Variants in NCAPD3 observed in about 807,000 individuals in gnomAD.
NCAPD3 encodes non-SMC condensin II complex subunit D3.
NCAPD3 carries 105 observed loss-of-function variants against 182.9 expected under a neutral mutation model. That is an observed-to-expected ratio of 0.57 (90% CI 0.49 to 0.68). The LOEUF (loss-of-function observed/expected upper bound fraction) is 0.68. Ranked by LOEUF, NCAPD3 falls within the 30% of genes least tolerant of loss-of-function variation. NCAPD3 has a pLI of 0.00. For missense variants in NCAPD3, 1,944 were observed against 1,837.0 expected, an observed-to-expected ratio of 1.06 and a Z score of -1.07; for synonymous variants, 815 against 679.9, an observed-to-expected ratio of 1.20 and a Z score of -3.09.
chr11:134,154,738 A>T (rs965417774), intron 32 of NCAPD3, among the ~76,000 whole-genome samples: 1 of 152,206 alleles, frequency 6.6e-6, no homozygotes, highest in African/African-American at 2.4e-5. Context: ...CTGCAAGCAC[A>T]TGCGAGGAGG....
upstream of NCAPD3, chr11:134,224,965 T>G (rs1051306482): frequency 2.2e-6 from 1 of 456,104 alleles, no homozygotes; most frequent in Non-Finnish European, 3.3e-6. Context: ...CGGCTGTCCG[T>G]CGGCGCCCAC....
chr11:134,169,269 G>T (rs975450164), intron 24 of NCAPD3, among the ~76,000 whole-genome samples: 12 of 152,196 alleles, frequency 7.9e-5, no homozygotes, highest in African/African-American at 2.9e-4. Flanking sequence ...TCCAAGGTAA[G>T]TATATTTTTT....
At chr11:134,184,598 AAAG>A in intron 19 of NCAPD3, 36 bp downstream of exon 19, 2 of 1,428,488 alleles carry the variant, frequency 1.4e-6, no homozygotes, top group African/African-American at 1.4e-5. Flanking sequence ...TCCTAAGCTC[AAAG>A]AAGTCAGAAA....
At chr11:134,199,816 T>C (rs1476430363) in intron 13 of NCAPD3, among the ~76,000 whole-genome samples, 2 of 152,198 alleles carry the variant, frequency 1.3e-5, no homozygotes, top group African/African-American at 2.4e-5. Context: ...GAAAAAATTA[T>C]TTCCCCTCTC....
At chr11:134,165,136 G>A (rs1429968181) in intron 27 of NCAPD3, among the ~76,000 whole-genome samples, 1 of 151,678 alleles carries the variant, frequency 6.6e-6, no homozygotes, top group Non-Finnish European at 1.5e-5. Context: ...GAGCTTAGGG[G>A]AGCAGCACAC....
intron 4 of NCAPD3, chr11:134,209,704 A>C (rs1001140555): frequency 2.2e-6 from 1 of 448,188 alleles, no homozygotes; most frequent in African/African-American, 2.0e-5. Context: ...GTCAATGAGG[A>C]ATCCTTTTTT....
At chr11:134,178,398 A>G (rs1185705849) in intron 22 of NCAPD3, 1 of 358,270 alleles carries the variant, frequency 2.8e-6, no homozygotes, top group Non-Finnish European at 5.0e-6. Flanking sequence ...AGCTCCCTCT[A>G]GACCCTCTAG....
intron 1 of NCAPD3, among the ~76,000 whole-genome samples, 164 bp downstream of exon 1, chr11:134,223,699 T>A (rs1265269798): frequency 6.6e-6 from 1 of 152,158 alleles, no homozygotes; most frequent in Non-Finnish European, 1.5e-5. Context: ...GAAACCTGGC[T>A]AGCCGCAATC....
At position 134,151,019 on chromosome 11, in the gene NCAPD3, A is replaced by C. The variant is rs1003550216; in HGVS notation, c.*1925T>G. ...ATCACTCAGAAGCCTGTGTTCTTCA[A>C]GAGCAGGTGTTCTCAGCCTCACATG... On this transcript the variant is annotated 3_prime_UTR_variant, in exon 35 of 35. Transcript: ENST00000534548. 3.9e-5 allele frequency: 6 copies of C among 152,264 alleles called. No homozygotes were observed. Among genetic ancestry groups the C allele is most frequent in the Non-Finnish European group, 8.8e-5 (6 of 68,052 alleles). The allele number at this position is 152,264 out of a possible 1,614,324, so 9.4% of individuals were successfully genotyped here.
Position 134,210,302 on chromosome 11 carries a change from T to A in NCAPD3, c.535A>T (p.Arg179Trp), listed in dbSNP as rs768663760. 6.2e-7 allele frequency: 1 copy of A among 1,613,390 alleles called. No homozygotes were observed. Among genetic ancestry groups the A allele is most frequent in the Non-Finnish European group, 8.5e-7 (1 of 1,179,788 alleles). The change falls in exon 4 of 35, where the codon AGG (arginine) becomes TGG (tryptophan). Residue 179 changes from arginine (R) to tryptophan (W), a missense_variant. Transcript: ENST00000534548. ...TCTTCTCTCCTGGGTGGCTTTCCCCTTTTTCTATGCCTCCCGGGGTTAGCC... is the reference window on the plus strand; with the variant it reads ...TCTTCTCTCCTGGGTGGCTTTCCCCATTTTCTATGCCTCCCGGGGTTAGCC... ...SQANPGRHRK[R>W]GKPPRREDIE... is the part of the protein sequence containing the mutation.
At chr11:134,200,858 A>C (rs1022629471) in intron 13 of NCAPD3, among the ~76,000 whole-genome samples, 17 of 152,148 alleles carry the variant, frequency 1.1e-4, no homozygotes, top group African/African-American at 3.9e-4. Context: ...CATAAACAAA[A>C]TGTGGTGTAT....
chr11:134,217,240 T>G, intron 2 of NCAPD3, 142 bp from the exon 3 acceptor site: 1 of 617,918 alleles, frequency 1.6e-6, no homozygotes, highest in Non-Finnish European at 2.5e-6. Flanking sequence ...TTTACCATCT[T>G]CAAAGGGACT....
rs781026682 is a variant in NCAPD3, at chr11:134,192,691, C to T, written c.2043G>A (p.Leu681=). ...LTLLTTESQE[L]SRYLNKAFHI... The stretch of plus-strand genomic sequence containing the variant: ...CACAGGTCATACAGTTAACCTACCT[C>T]AGTTCCTGGCTTTCGGTGGTGAGGA... Residue 681 remains leucine (L), a splice_region_variant and synonymous_variant, in exon 16 of 35, where the codon CTG becomes CTA. Coordinates refer to ENST00000534548, the MANE Select transcript of NCAPD3 (RefSeq NM_015261.3). The T allele has an allele frequency of 2.4e-5, 39 of 1,612,794 alleles. No homozygotes were observed. In the Middle Eastern group the frequency reaches 4.9e-4, roughly 20 times the overall value.
intron 19 of NCAPD3, chr11:134,183,131 CAT>C (rs754669198): frequency 1.3e-4 from 58 of 456,324 alleles, no homozygotes; most frequent in Admixed American, 2.3e-4. Context: ...GCGCTGTACA[CAT>C]GATTCTTTTT....
intron 16 of NCAPD3, among the ~76,000 whole-genome samples, chr11:134,188,115 C>G (rs992492217): frequency 3.9e-5 from 6 of 152,182 alleles, no homozygotes; most frequent in African/African-American, 1.4e-4. Context: ...TGTAAGCACA[C>G]CAATCAGCAC....
At chr11:134,165,553 A>G (rs1342227892) in intron 27 of NCAPD3, among the ~76,000 whole-genome samples, 4 of 135,108 alleles carry the variant, frequency 3.0e-5, no homozygotes, top group Non-Finnish European at 4.7e-5. Flanking sequence ...GGAGCAGCAC[A>G]CTCACTTGTG....
At chr11:134,196,564 T>G (rs1291181285) in intron 13 of NCAPD3, among the ~76,000 whole-genome samples, 1 of 149,200 alleles carries the variant, frequency 6.7e-6, no homozygotes, top group Non-Finnish European at 1.5e-5. Context: ...GAGATTTGCT[T>G]GAGCTGGGAG....
intron 17 of NCAPD3, 117 bp from the exon 18 acceptor site, chr11:134,185,117 G>A (rs1944376440): frequency 1.1e-6 from 1 of 933,912 alleles, no homozygotes; most frequent in Non-Finnish European, 1.7e-6. Context: ...CATGGCTTAG[G>A]AGTCAAGCTG....
At chr11:134,163,194 T>C (rs943211564) in intron 27 of NCAPD3, among the ~76,000 whole-genome samples, 2 of 152,100 alleles carry the variant, frequency 1.3e-5, no homozygotes, top group African/African-American at 2.4e-5. Context: ...ACCAGCATAG[T>C]TTTTAAAGAT....
Sources: gnomAD v4.1 joint callset for allele counts (sites outside exome capture counted in the v4.1 genomes callset) on GRCh38, gnomAD v4.1.1 for gene constraint, MANE v1.5 for transcripts, NCBI Gene and HGNC (gene_info 2026-07-23, HGNC 2026-07-21) for gene names.